PCDHA1: variants seen among roughly 807,000 people sequenced by gnomAD.
The protein encoded by PCDHA1 is protocadherin alpha-1.
PCDHA1 carries 42 observed loss-of-function variants against 61.3 expected under a neutral mutation model. That is an observed-to-expected ratio of 0.69 (90% CI 0.54 to 0.89). The LOEUF is 0.89. PCDHA1 is among the 40% of genes least tolerant of loss of function. PCDHA1 has a pLI of 0.00. For synonymous variants in PCDHA1, 610 were observed against 553.8 expected (o/e 1.10, Z -1.43); for missense variants, 1,256 against 1,235.3 (o/e 1.02, Z -0.25).
At chr5:140,998,720 A>G (rs1554256437) in intron 3 of PCDHA1, among the ~76,000 whole-genome samples, 1 of 152,092 alleles carries the variant, frequency 6.6e-6, no homozygotes, top group African/African-American at 2.4e-5. Context: ...TTGCACCACC[A>G]CGCTAGGCTA....
intron 1 of PCDHA1, chr5:140,861,595 T>G (rs1195852387): frequency 1.9e-5 from 7 of 367,584 alleles, no homozygotes; most frequent in Admixed American, 8.8e-5. Context: ...GAGGTGAAAG[T>G]GAAGAACAAT....
chr5:140,960,031 G>A (rs1331929817), intron 1 of PCDHA1, among the ~76,000 whole-genome samples: 4 of 152,220 alleles, frequency 2.6e-5, no homozygotes, highest in African/African-American at 7.2e-5. Flanking sequence ...TGTTAAGTCC[G>A]GCTGTTTATT....
intron 3 of PCDHA1, among the ~76,000 whole-genome samples, chr5:141,004,948 C>T (rs1356526927): frequency 6.6e-6 from 1 of 152,236 alleles, no homozygotes; most frequent in African/African-American, 2.4e-5. Context: ...TTCTTACCCT[C>T]TCTCGTCACT....
Position 140,848,795 on chromosome 5 carries a change from G to A in PCDHA1, c.2394+60111G>A. 3 of 1,592,816 alleles carry A rather than the reference G, an allele frequency of 1.9e-6. 1 individual carries two copies. Among genetic ancestry groups the A allele is most frequent in the Non-Finnish European group, 2.6e-6 (3 of 1,163,690 alleles). On this transcript the variant is annotated intron_variant, in intron 1 of 3. Transcript: ENST00000504120. ...GCGAGGAGCTGTGCGGGCGGAGCGC[G>A]GAGTGCAGCATCCACCTGGAGGTGA...
rs2150481725 is a variant in PCDHA1, at chr5:140,850,382, C to A, written c.2394+61698C>A. On this transcript the variant is annotated intron_variant, in intron 1 of 3. Transcript: ENST00000504120. ...CGTTCCGCGTGGGGCTGTACACGGG[C>A]GAGATCAGCACAACGCGTGCCCTGG... 3.2e-5 allele frequency: 51 copies of A among 1,597,762 alleles called. 3 individuals are homozygous for A. In the African/African-American group the frequency reaches 5.9e-4, roughly 19 times the overall value.
rs1458961705 is a variant in PCDHA1 at position 140,787,037 on chromosome 5, C to G, written c.747C>G (p.Val249=). Residue 249 remains valine (V), a synonymous_variant, in exon 1 of 4, where the codon GTC becomes GTG. Transcript: ENST00000504120. Reference sequence around the variant, plus strand: ...TGTTTGACCAGGCCGTATACAGAGTCCACTTGTTAGAGACTACAGCAAATG... The same window carrying G: ...TGTTTGACCAGGCCGTATACAGAGTGCACTTGTTAGAGACTACAGCAAATG... ...APLFDQAVYR[V]HLLETTANGT... 1 of 1,614,046 alleles carries G rather than the reference C, an allele frequency of 6.2e-7. No homozygotes were observed. Among genetic ancestry groups the G allele is most frequent in the Non-Finnish European group, 8.5e-7 (1 of 1,180,018 alleles).
chr5:140,816,467 C>T (rs1765911805), intron 1 of PCDHA1: 1 of 151,890 alleles, frequency 6.6e-6, no homozygotes, highest in Admixed American at 6.6e-5. Context: ...AAGTAATTCA[C>T]ATAGCTCTAT....
intron 1 of PCDHA1, among the ~76,000 whole-genome samples, chr5:140,933,949 G>A (rs184768008): frequency 6.6e-6 from 1 of 151,792 alleles, no homozygotes; most frequent in African/African-American, 2.4e-5. Flanking sequence ...CACATCTGCA[G>A]GATCTGTAGT....
chr5:140,848,357 T>C (rs2150409370), intron 1 of PCDHA1: 16 of 1,035,266 alleles, frequency 1.5e-5, no homozygotes, highest in African/African-American at 1.1e-4. Context: ...CCTTTTCCCA[T>C]GGGAAAGAGG....
intron 1 of PCDHA1, among the ~76,000 whole-genome samples, chr5:140,821,120 T>C (rs1424425591): frequency 6.6e-5 from 10 of 152,074 alleles, no homozygotes; most frequent in African/African-American, 1.7e-4. Context: ...AACAGTGAAA[T>C]TGGAATAAAA....
intron 1 of PCDHA1, chr5:140,813,671 C>T (rs1480249597): frequency 1.3e-5 from 2 of 152,120 alleles, no homozygotes; most frequent in East Asian, 1.9e-4. Context: ...AAGCACTATA[C>T]ATTTAGGCTA....
At position 140,787,887 on chromosome 5, in the gene PCDHA1, TTC is replaced by T; in HGVS notation, c.1598_1599del (p.Phe533SerfsTer46). The T allele has an allele frequency of 6.2e-7, 1 of 1,613,102 alleles. No homozygotes were observed. The highest frequency in any genetic ancestry group is 8.5e-7 in the Non-Finnish European group (1 of 1,179,770). On this transcript the variant is annotated frameshift_variant, in exon 1 of 4. Transcript: ENST00000504120. LOFTEE classifies it high-confidence loss of function. ...CCACGAGGAGCTGGAGCTGCTGCAGTTCCAGGTGAGCGCGCGGGATGCGGGCG... is the reference window on the plus strand; with the variant it reads ...CCACGAGGAGCTGGAGCTGCTGCAGTCAGGTGAGCGCGCGGGATGCGGGCG... ...LDHEELELLQ[F>X]QVSARDAGVP...
At chr5:140,976,697 T>C (rs2096727777) in intron 1 of PCDHA1, among the ~76,000 whole-genome samples, 1 of 152,224 alleles carries the variant, frequency 6.6e-6, no homozygotes, top group Non-Finnish European at 1.5e-5. Context: ...AGTACAATAA[T>C]GTTGACTTTG....
rs543277248 is a variant in PCDHA1, at chr5:140,857,767, C to A, written c.2394+69083C>A. ...TGGCGTCTCCCGCTGGCAGCGCGGG[C>A]GGTGCAGTCAGTGAGCTGGTGCTGC... On this transcript the variant is annotated intron_variant, in intron 1 of 3. Coordinates refer to ENST00000504120, the MANE Select transcript of PCDHA1 (RefSeq NM_018900.4). 127 of 1,597,456 alleles carry A rather than the reference C, an allele frequency of 8.0e-5. 4 individuals are homozygous for A. The South Asian group carries it at 1.3e-3, about 16-fold the overall frequency.
intron 1 of PCDHA1, chr5:140,810,936 T>A (rs1435717143): frequency 6.6e-6 from 1 of 152,230 alleles, no homozygotes; most frequent in Non-Finnish European, 1.5e-5. Context: ...ACATTACATC[T>A]ACAATCCATT....
intron 1 of PCDHA1, chr5:140,850,131 G>A (rs2150469102): frequency 2.5e-6 from 4 of 1,595,702 alleles, no homozygotes; most frequent in Admixed American, 1.7e-5. Context: ...GCCGCCTCTG[G>A]GCAGCAACGT....
intron 3 of PCDHA1, among the ~76,000 whole-genome samples, chr5:140,993,767 G>T (rs115607244): frequency 1.3e-5 from 2 of 152,010 alleles, no homozygotes; most frequent in African/African-American, 4.8e-5. Flanking sequence ...TTACAATTGC[G>T]CAGTATTTTG....
At chr5:140,801,230 C>T (rs1762661814) in intron 1 of PCDHA1, 2 of 1,612,176 alleles carry the variant, frequency 1.2e-6, no homozygotes, top group Non-Finnish European at 1.7e-6. Context: ...ATCCTGGAGC[C>T]CAGTGCCTGC....
intron 3 of PCDHA1, among the ~76,000 whole-genome samples, chr5:141,004,899 C>A (rs898562164): frequency 4.6e-5 from 7 of 152,096 alleles, no homozygotes. Context: ...TCAGCTCTGC[C>A]AGGGTGTAAG....
Sources: gnomAD v4.1 joint callset for allele counts (sites outside exome capture counted in the v4.1 genomes callset) on GRCh38, gnomAD v4.1.1 for gene constraint, MANE v1.5 for transcripts, NCBI Gene and HGNC (gene_info 2026-07-23, HGNC 2026-07-21) for gene names.